Variants in C8orf34 observed in about 807,000 individuals in gnomAD.
The protein encoded by C8orf34 is uncharacterized protein C8orf34.
Under a neutral mutation model 68.3 loss-of-function variants are expected in C8orf34, and 65 were observed. The ratio of observed to expected loss-of-function variants is 0.95; its 90% CI spans 0.78 to 1.17. The LOEUF (loss-of-function observed/expected upper bound fraction) is 1.17, where lower values mean the gene tolerates loss of function less well. C8orf34 is among the 50% of genes most tolerant of loss of function. C8orf34 has a pLI of 0.00. For missense variants in C8orf34, 664 were observed against 655.4 expected (o/e 1.01, Z -0.14); for synonymous variants, 244 against 241.2 (o/e 1.01, Z -0.11).
At position 68,532,898 on chromosome 8, in the gene C8orf34, G is replaced by C. The variant is rs969920719; in HGVS notation, c.939-85G>C. ...AAACTTTAGTAACATGTCCACATAC[G>C]TGTGTAATAAAATAACCAAATGGAA... On this transcript the variant is annotated intron_variant, in intron 6 of 13. Coordinates refer to ENST00000518698, the MANE Select transcript of C8orf34 (RefSeq NM_052958.4). 3 of 938,680 alleles carry C rather than the reference G, an allele frequency of 3.2e-6. No homozygotes were observed. The Admixed American group carries it at 7.7e-5, about 24-fold the overall frequency. 58.1% of individuals were successfully genotyped at this position (938,680 alleles called of 1,614,324 possible).
chr8:68,664,600 TG>T (rs1318686102), intron 8 of C8orf34, among the ~76,000 whole-genome samples: 1 of 152,216 alleles, frequency 6.6e-6, no homozygotes, highest in Non-Finnish European at 1.5e-5. Context: ...GTTCTGAATA[TG>T]TTTAAGGTAG....
chr8:68,636,200 C>T (rs145207919), intron 7 of C8orf34, among the ~76,000 whole-genome samples: 49 of 152,026 alleles, frequency 3.2e-4, no homozygotes, highest in Non-Finnish European at 4.9e-4. Context: ...AGGGGTGAAA[C>T]GAGGGAAACT....
chr8:68,798,983 C>T (rs980558248), intron 12 of C8orf34, among the ~76,000 whole-genome samples: 1 of 152,156 alleles, frequency 6.6e-6, no homozygotes, highest in Non-Finnish European at 1.5e-5. Context: ...ATTAACATGT[C>T]TTTGTCATGT....
At chr8:68,368,864 A>C (rs1377953249) in intron 1 of C8orf34, among the ~76,000 whole-genome samples, 1 of 152,176 alleles carries the variant, frequency 6.6e-6, no homozygotes, top group African/African-American at 2.4e-5. Context: ...TTGGATTGCT[A>C]ACATTTGGTT....
intron 3 of C8orf34, among the ~76,000 whole-genome samples, chr8:68,451,353 G>T (rs987281778): frequency 3.3e-5 from 5 of 152,034 alleles, no homozygotes; most frequent in South Asian, 4.1e-4. Context: ...TTTTCTTCAA[G>T]AACTTTTCAT....
At chr8:68,617,105 T>G (rs1296679500) in intron 7 of C8orf34, among the ~76,000 whole-genome samples, 1 of 152,176 alleles carries the variant, frequency 6.6e-6, no homozygotes, top group Non-Finnish European at 1.5e-5. Flanking sequence ...AGACTAGGAT[T>G]GCAACTCCTG....
intron 11 of C8orf34, among the ~76,000 whole-genome samples, chr8:68,781,095 A>G (rs1190213077): frequency 3.3e-5 from 5 of 152,212 alleles, no homozygotes; most frequent in Admixed American, 2.6e-4. Flanking sequence ...ACATATTAAT[A>G]CCAAATGAAA....
intron 10 of C8orf34, among the ~76,000 whole-genome samples, chr8:68,769,340 G>A (rs910136274): frequency 4.6e-5 from 7 of 150,876 alleles, no homozygotes; most frequent in African/African-American, 1.7e-4. Context: ...ACTTTCTAGT[G>A]ATTTTAAGGC....
In C8orf34 at chr8:68,521,766, A is replaced by G. The variant is rs764863358; in HGVS notation, c.766-33A>G. ...GTTGTCCTGTTAATAAGAAAAAGCC[A>G]TCTAAGACAGCATATTCTTTTCTTC... On this transcript the variant is annotated intron_variant, in intron 5 of 13. Coordinates refer to ENST00000518698, the MANE Select transcript of C8orf34 (RefSeq NM_052958.4). 3.8e-6 allele frequency: 6 copies of G among 1,590,030 alleles called. No homozygotes were observed. The African/African-American group carries it at 5.4e-5, about 14-fold the overall frequency.
At chr8:68,681,596 G>C (rs981652060) in intron 8 of C8orf34, among the ~76,000 whole-genome samples, 1 of 152,192 alleles carries the variant, frequency 6.6e-6, no homozygotes, top group African/African-American at 2.4e-5. Flanking sequence ...ATGGAGAACA[G>C]TTTGGAAGTT....
intron 1 of C8orf34, among the ~76,000 whole-genome samples, chr8:68,386,973 A>G (rs1317924777): frequency 1.3e-5 from 2 of 152,038 alleles, no homozygotes; most frequent in Non-Finnish European, 2.9e-5. Context: ...GCTTTAGGGA[A>G]AGGCATTAAG....
intron 7 of C8orf34, among the ~76,000 whole-genome samples, chr8:68,621,323 C>T (rs1450481487): frequency 6.6e-6 from 1 of 152,072 alleles, no homozygotes; most frequent in African/African-American, 2.4e-5. Flanking sequence ...TTTGTAAAAA[C>T]CACATGTTGG....
intron 7 of C8orf34, among the ~76,000 whole-genome samples, chr8:68,596,752 CAT>C (rs1259863808): frequency 2.0e-5 from 3 of 152,086 alleles, no homozygotes; most frequent in Non-Finnish European, 4.4e-5. Context: ...TGGAGGTAGA[CAT>C]TATCTCCAAA....
chr8:68,421,651 C>A (rs1328783524), intron 1 of C8orf34, among the ~76,000 whole-genome samples: 1 of 152,152 alleles, frequency 6.6e-6, no homozygotes, highest in Non-Finnish European at 1.5e-5. Context: ...TCCACAGTGG[C>A]AACAGCAAGG....
At chr8:68,696,337 TA>T (rs1373211809) in intron 8 of C8orf34, among the ~76,000 whole-genome samples, 1 of 148,372 alleles carries the variant, frequency 6.7e-6, no homozygotes, top group Non-Finnish European at 1.5e-5. Context: ...CATAATAGAT[TA>T]TATTATATAT....
intron 5 of C8orf34, 71 bp downstream of exon 5, chr8:68,488,122 A>T: frequency 8.9e-7 from 1 of 1,118,946 alleles, no homozygotes; most frequent in South Asian, 1.7e-5. Flanking sequence ...CTCAACATAA[A>T]TAAATTTTCT....
intron 7 of C8orf34, among the ~76,000 whole-genome samples, chr8:68,536,011 A>G (rs1468729717): frequency 6.6e-6 from 1 of 152,152 alleles, no homozygotes; most frequent in African/African-American, 2.4e-5. Context: ...AAGGTTATAG[A>G]AAATCTTCAC....
intron 1 of C8orf34, among the ~76,000 whole-genome samples, chr8:68,409,859 C>G (rs1809369916): frequency 6.6e-6 from 1 of 151,990 alleles, no homozygotes; most frequent in African/African-American, 2.4e-5. Context: ...TTTACTGTAC[C>G]TTTTTAATGT....
chr8:68,472,306 T>A (rs1812414597), intron 4 of C8orf34, among the ~76,000 whole-genome samples: 1 of 152,154 alleles, frequency 6.6e-6, no homozygotes, highest in Non-Finnish European at 1.5e-5. Context: ...TCTTACCCAT[T>A]CCTTCAAGTG....
Sources: allele counts gnomAD v4.1 joint callset (sites outside exome capture counted in the v4.1 genomes callset), GRCh38; gene constraint gnomAD v4.1.1; transcripts MANE v1.5; gene names NCBI Gene and HGNC (gene_info 2026-07-23, HGNC 2026-07-21).